The following NRCAM variants were observed in gnomAD, a reference collection of about 807,000 sequenced individuals.
The protein encoded by NRCAM is NgCAM-related cell adhesion molecule.
NRCAM carries 83 observed loss-of-function variants against 156.5 expected under a neutral mutation model. That is an observed-to-expected ratio of 0.53 (90% CI 0.44 to 0.64). NRCAM has a LOEUF of 0.64. NRCAM is among the 30% of genes least tolerant of loss of function. The pLI, the probability that NRCAM is intolerant of heterozygous loss-of-function variation, is 0.00. For missense variants in NRCAM, 1,417 were observed against 1,597.3 expected, an observed-to-expected ratio of 0.89 and a Z score of 1.92; for synonymous variants, 538 against 563.9, an observed-to-expected ratio of 0.95 and a Z score of 0.65.
At chr7:108,253,499 T>TGAAGGATACTA (rs1429747790) in intron 3 of NRCAM, among the ~76,000 whole-genome samples, 2 of 152,164 alleles carry the variant, frequency 1.3e-5, no homozygotes, top group Non-Finnish European at 2.9e-5. Flanking sequence ...CAGAAGGGGA[T>TGAAGGATACTA]GAAGGATACT....
intron 1 of NRCAM, among the ~76,000 whole-genome samples, chr7:108,445,336 G>A (rs1343193965): frequency 6.6e-6 from 1 of 152,162 alleles, no homozygotes; most frequent in African/African-American, 2.4e-5. Context: ...TGGAGAGTAA[G>A]GTTATAATTT....
intron 32 of NRCAM, among the ~76,000 whole-genome samples, chr7:108,154,006 T>C (rs1416653121): frequency 6.6e-6 from 1 of 152,172 alleles, no homozygotes; most frequent in Admixed American, 6.6e-5. Context: ...TATTGCCCTT[T>C]AGCTGCAATT....
Position 108,285,004 on chromosome 7 carries a change from C to T in NRCAM, c.-107+27661G>A, listed in dbSNP as rs139026242. Among the ~76,000 whole-genome samples, 7 of 152,300 alleles carry T rather than the reference C, an allele frequency of 4.6e-5. No individual in the cohort carries two copies. In the East Asian group the frequency reaches 5.8e-4, roughly 13 times the overall value. On this transcript the variant is annotated intron_variant, in intron 3 of 32. Coordinates refer to ENST00000379028, the MANE Select transcript of NRCAM (RefSeq NM_001037132.4). Reference sequence around the variant, plus strand: ...CTGAAGCAGCAATGTGAACAACAGACGGGTGAGACTTTGAGAGAGGAGAGG... The same window carrying T: ...CTGAAGCAGCAATGTGAACAACAGATGGGTGAGACTTTGAGAGAGGAGAGG...
intron 11 of NRCAM, among the ~76,000 whole-genome samples, chr7:108,218,566 C>T (rs1165571421): frequency 6.6e-6 from 1 of 152,126 alleles, no homozygotes; most frequent in Non-Finnish European, 1.5e-5. Flanking sequence ...ACCTTCAAAG[C>T]CATGCAAAAA....
At position 108,410,824 on chromosome 7, in the gene NRCAM, C is replaced by T. The variant is rs1794442709; in HGVS notation, c.-331-11231G>A. On this transcript the variant is annotated intron_variant, in intron 1 of 32. Coordinates refer to ENST00000379028, the MANE Select transcript of NRCAM (RefSeq NM_001037132.4). ...ACCCTTGAAACTGATTTTTTCTATA[C>T]TAGTTCTATCTTGGGTCAGTATTTA... Among the ~76,000 whole-genome samples the T allele has an allele frequency of 3.3e-5, 5 of 152,260 alleles. No individual in the cohort carries two copies. The South Asian group carries it at 1.0e-3, about 32-fold the overall frequency.
At chr7:108,218,790 A>G (rs1171326484) in intron 11 of NRCAM, among the ~76,000 whole-genome samples, 1 of 152,228 alleles carries the variant, frequency 6.6e-6, no homozygotes, top group Non-Finnish European at 1.5e-5. Context: ...CTAAGGTCAC[A>G]CCTCAAGGAA....
chr7:108,231,221 A>G (rs2094286256), intron 7 of NRCAM, 68 bp from the exon 8 acceptor site: 1 of 1,194,728 alleles, frequency 8.4e-7, no homozygotes, highest in Admixed American at 3.0e-5. Context: ...AGCCCTACAA[A>G]TAAAGGCAAA....
At chr7:108,178,479 A>G in intron 25 of NRCAM, 1 of 345,574 alleles carries the variant, frequency 2.9e-6, no homozygotes, top group Non-Finnish European at 5.6e-6. Flanking sequence ...ATCTGAGTGG[A>G]AGCAGCTGTG....
intron 1 of NRCAM, among the ~76,000 whole-genome samples, chr7:108,407,357 T>A (rs1406542992): frequency 9.2e-5 from 14 of 152,210 alleles, no homozygotes; most frequent in Non-Finnish European, 1.2e-4. Context: ...GCTGACTTTT[T>A]ATATGATTTT....
intron 1 of NRCAM, among the ~76,000 whole-genome samples, chr7:108,425,972 C>T (rs2154445739): frequency 6.6e-6 from 1 of 152,286 alleles, no homozygotes; most frequent in East Asian, 1.9e-4. Flanking sequence ...GCCTAAACTG[C>T]TGTTTTATTT....
intron 3 of NRCAM, among the ~76,000 whole-genome samples, chr7:108,247,478 G>A (rs2096022245): frequency 6.6e-6 from 1 of 152,126 alleles, no homozygotes; most frequent in African/African-American, 2.4e-5. Flanking sequence ...TGCAGCCAAA[G>A]GGCACATACT....
intron 20 of NRCAM, among the ~76,000 whole-genome samples, chr7:108,185,664 A>T (rs1462601347): frequency 6.6e-6 from 1 of 151,148 alleles, no homozygotes; most frequent in East Asian, 1.9e-4. Context: ...GGCTGCAGTG[A>T]ACCATGATCA....
At chr7:108,347,191 C>G (rs1326493220) in intron 2 of NRCAM, among the ~76,000 whole-genome samples, 1 of 151,946 alleles carries the variant, frequency 6.6e-6, no homozygotes, top group African/African-American at 2.4e-5. Context: ...GCGCCTGCCA[C>G]CATGCCTGGC....
rs535334895 is a variant in NRCAM at position 108,196,009 on chromosome 7, T to G, written c.1352-137A>C. On this transcript the variant is annotated intron_variant, in intron 14 of 32. Coordinates refer to ENST00000379028, the MANE Select transcript of NRCAM (RefSeq NM_001037132.4). ...TCTATCTCTCTCCTTATGTTCTCTA[T>G]CAGGCATAATGCTGCCAGTCACTCA... 9.2e-6 allele frequency: 6 copies of G among 651,058 alleles called. No homozygotes were observed. In the Admixed American group the frequency reaches 1.4e-4, roughly 15 times the overall value. The allele number at this position is 651,058 out of a possible 1,614,324, so 40.3% of individuals were successfully genotyped here.
At chr7:108,355,943 AT>A (rs35999220) in intron 2 of NRCAM, among the ~76,000 whole-genome samples, 69,977 of 145,058 alleles carry the variant, frequency 0.48, 17,611 homozygotes, top group East Asian at 0.8. Flanking sequence ...GTACAGTAAG[AT>A]TTTTTTTTTT....
chr7:108,407,040 TAAAG>T (rs886461821), intron 1 of NRCAM, among the ~76,000 whole-genome samples: 1 of 152,204 alleles, frequency 6.6e-6, no homozygotes, highest in African/African-American at 2.4e-5. Flanking sequence ...ATATAAAAAG[TAAAG>T]AAAAATTTTT....
chr7:108,402,023 C>T (rs1284212229), intron 1 of NRCAM, among the ~76,000 whole-genome samples: 2 of 152,150 alleles, frequency 1.3e-5, no homozygotes, highest in African/African-American at 4.8e-5. Flanking sequence ...CAAATTAGTA[C>T]ACTTTGGATG....
chr7:108,372,459 C>T (rs557879163), intron 2 of NRCAM, among the ~76,000 whole-genome samples: 141 of 151,950 alleles, frequency 9.3e-4, no homozygotes, highest in African/African-American at 3.2e-3. Context: ...ACCATTTGCC[C>T]GATAAGGAGT....
At chr7:108,323,810 C>A (rs746503684) in intron 2 of NRCAM, among the ~76,000 whole-genome samples, 13 of 151,962 alleles carry the variant, frequency 8.6e-5, no homozygotes, top group Non-Finnish European at 1.3e-4. Flanking sequence ...AGAGGGGCTG[C>A]AATTTTAAGT....
Sources: gnomAD v4.1 joint callset for allele counts (sites outside exome capture counted in the v4.1 genomes callset) on GRCh38, gnomAD v4.1.1 for gene constraint, MANE v1.5 for transcripts, NCBI Gene and HGNC (gene_info 2026-07-23, HGNC 2026-07-21) for gene names.